Variants in RPTOR observed in about 807,000 individuals in gnomAD.
RPTOR encodes the protein regulatory-associated protein of mTOR.
A neutral mutation model predicts 169.9 loss-of-function variants in RPTOR; 21 were observed. The observed-to-expected ratio is 0.12, with a 90% CI of 0.09 to 0.18. The LOEUF (loss-of-function observed/expected upper bound fraction) is 0.18. Ranked by LOEUF, RPTOR falls within the 10% of genes least tolerant of loss-of-function variation. RPTOR has a pLI of 1.00. For synonymous variants in RPTOR, 732 were observed against 753.2 expected (o/e 0.97, Z 0.46); for missense variants, 1,133 against 1,855.9 (o/e 0.61, Z 7.16).
At chr17:80,925,969 C>T (rs968864064) in intron 24 of RPTOR, among the ~76,000 whole-genome samples, 1 of 152,212 alleles carries the variant, frequency 6.6e-6, no homozygotes, top group African/African-American at 2.4e-5. Context: ...GGCAGGGCGG[C>T]GGCTCTCGGC....
At chr17:80,924,556 G>A (rs1394509334) in intron 23 of RPTOR, among the ~76,000 whole-genome samples, 2 of 152,064 alleles carry the variant, frequency 1.3e-5, no homozygotes, top group African/African-American at 4.8e-5. Flanking sequence ...TCCGTGTCTC[G>A]GCAGAGGAGG....
At position 80,820,585 on chromosome 17, in the gene RPTOR, G is replaced by A. The variant is rs537243884; in HGVS notation, c.891-1616G>A. ...TTCCTCCGTGGGGCCAAGCTCTGTC[G>A]TAGGTTGTTAGAGGGTGGGCACCTT... On this transcript the variant is annotated intron_variant, in intron 7 of 33. Transcript: ENST00000306801. This position sits in a 1 kb window ranked among gnomAD's most constrained non-coding sequence, Gnocchi z 4.1. Among the ~76,000 whole-genome samples the A allele has an allele frequency of 1.1e-4, 16 of 152,150 alleles. No homozygotes were observed. Among genetic ancestry groups the A allele is most frequent in the South Asian group, 4.2e-4 (2 of 4,818 alleles).
chr17:80,564,887 G>A (rs955982310), intron 1 of RPTOR, among the ~76,000 whole-genome samples: 6 of 152,158 alleles, frequency 3.9e-5, no homozygotes, highest in Non-Finnish European at 7.4e-5. Flanking sequence ...TAAGGATAAT[G>A]GCCTCCATGT....
At chr17:80,901,097 G>C (rs2068470832) in intron 20 of RPTOR, among the ~76,000 whole-genome samples, 1 of 152,190 alleles carries the variant, frequency 6.6e-6, no homozygotes, top group Non-Finnish European at 1.5e-5. Context: ...ACAGGCAAGA[G>C]GGACTGCGGA....
In RPTOR at chr17:80,618,586, G is replaced by A. The variant is rs546085978; in HGVS notation, c.163-7105G>A. Among the ~76,000 whole-genome samples, 11 of 152,222 alleles carry A rather than the reference G, an allele frequency of 7.2e-5. No individual in the cohort carries two copies. The South Asian group carries it at 2.3e-3, about 32-fold the overall frequency. ...CTGAGGCCGAAATTTTCCTCTTCTC[G>A]TTTCCTTTTGATCAGGATGTTCTAC... On this transcript the variant is annotated intron_variant, in intron 1 of 33. Transcript: ENST00000306801.
At chr17:80,693,656 C>T (rs2066011649) in intron 3 of RPTOR, among the ~76,000 whole-genome samples, 1 of 152,208 alleles carries the variant, frequency 6.6e-6, no homozygotes, top group African/African-American at 2.4e-5. Context: ...CAATTTCCTA[C>T]TCTCAGCATC....
intron 13 of RPTOR, among the ~76,000 whole-genome samples, chr17:80,865,555 T>TA (rs1480584989): frequency 1.3e-5 from 2 of 152,078 alleles, no homozygotes; most frequent in Non-Finnish European, 2.9e-5. Context: ...ACAATAAAGA[T>TA]AGACATTTCA....
chr17:80,776,168 T>C (rs1028167293), intron 6 of RPTOR, among the ~76,000 whole-genome samples: 6 of 152,150 alleles, frequency 3.9e-5, no homozygotes, highest in Admixed American at 3.9e-4. Context: ...CACTGTACTC[T>C]AGCCTGGGCA....
At chr17:80,867,151 C>T (rs1019492736) in intron 13 of RPTOR, among the ~76,000 whole-genome samples, 4 of 151,908 alleles carry the variant, frequency 2.6e-5, no homozygotes, top group African/African-American at 9.7e-5. Context: ...TATTTAAAAA[C>T]AAAACATGAT....
intron 5 of RPTOR, among the ~76,000 whole-genome samples, chr17:80,736,847 C>T (rs562822084): frequency 2.0e-5 from 3 of 152,350 alleles, no homozygotes; most frequent in South Asian, 2.1e-4. Flanking sequence ...ATCTTCTCCA[C>T]GGACTCACCG....
At chr17:80,663,420 G>A (rs552334914) in intron 3 of RPTOR, among the ~76,000 whole-genome samples, 165 of 152,194 alleles carry the variant, frequency 1.1e-3, no homozygotes, top group African/African-American at 3.9e-3. Flanking sequence ...GCAAAGCCAG[G>A]CAATCTGCAG....
intron 24 of RPTOR, 127 bp downstream of exon 24, chr17:80,925,607 C>G: frequency 1.4e-6 from 1 of 739,308 alleles, no homozygotes; most frequent in Non-Finnish European, 2.3e-6. Context: ...TAGTGATGGT[C>G]ACGGTTGAGG....
chr17:80,590,635 C>T lies in RPTOR; in HGVS notation c.163-35056C>T, dbSNP rs143479393. On this transcript the variant is annotated intron_variant, in intron 1 of 33. Transcript: ENST00000306801. ...TGAAGGAGGCATGCAGGTATGCGCA[C>T]ATGCGTGCACACAGTGTCTTTAATG... 3.4e-4 allele frequency among the ~76,000 whole-genome samples: 52 copies of T among 152,286 alleles called. No homozygotes were observed. The East Asian group carries it at 9.3e-3, about 27-fold the overall frequency.
Position 80,861,817 on chromosome 17 carries a change from T to C in RPTOR, c.1509+3917T>C, listed in dbSNP as rs2067919871. ...TTAGTACCTTTTAGGACCTGGAAAT[T>C]GATGATGTCTTTATTTTTAGTCTCA... is the stretch of plus-strand genomic sequence containing the variant. On this transcript the variant is annotated intron_variant, in intron 13 of 33. Coordinates refer to ENST00000306801, the MANE Select transcript of RPTOR (RefSeq NM_020761.3). This position sits in a 1 kb window ranked among gnomAD's most constrained non-coding sequence, Gnocchi z 4.5. Among the ~76,000 whole-genome samples, 1 of 152,162 alleles carries C rather than the reference T, an allele frequency of 6.6e-6. No homozygotes were observed. Among genetic ancestry groups the C allele is most frequent in the Non-Finnish European group, 1.5e-5 (1 of 68,036 alleles).
At chr17:80,625,061 G>T (rs1053807583) in intron 1 of RPTOR, among the ~76,000 whole-genome samples, 1 of 152,164 alleles carries the variant, frequency 6.6e-6, no homozygotes, top group African/African-American at 2.4e-5. Flanking sequence ...TGACCCGGGG[G>T]AGGGGAACTC....
At chr17:80,585,362 G>A (rs1313364949) in intron 1 of RPTOR, among the ~76,000 whole-genome samples, 1 of 151,858 alleles carries the variant, frequency 6.6e-6, no homozygotes, top group Non-Finnish European at 1.5e-5. Flanking sequence ...GCGCCACCTC[G>A]CCCAGCTAAT....
At chr17:80,905,429 CAA>C (rs535677825) in intron 20 of RPTOR, among the ~76,000 whole-genome samples, 9 of 117,680 alleles carry the variant, frequency 7.6e-5, no homozygotes, top group African/African-American at 1.7e-4. Flanking sequence ...ACTAAAAATA[CAA>C]AAAAAAAAAA....
At chr17:80,883,347 T>C (rs1190962472) in intron 14 of RPTOR, 72 bp from the exon 15 acceptor site, 3 of 1,327,532 alleles carry the variant, frequency 2.3e-6, no homozygotes, top group Non-Finnish European at 3.3e-6. Context: ...TCCGAAAGGA[T>C]CACGCTGTTG....
intron 2 of RPTOR, among the ~76,000 whole-genome samples, chr17:80,634,205 GTGTGCA>G (rs2065466494): frequency 6.7e-6 from 1 of 150,084 alleles, no homozygotes; most frequent in Non-Finnish European, 1.5e-5. Context: ...TGCATACTGT[GTGTGCA>G]TACTGTGTGC....
Sources: gnomAD v4.1 joint callset for allele counts (sites outside exome capture counted in the v4.1 genomes callset) on GRCh38, gnomAD v4.1.1 for gene constraint, Gnocchi (gnomAD v3.1) non-coding constraint, MANE v1.5 for transcripts, NCBI Gene and HGNC (gene_info 2026-07-23, HGNC 2026-07-21) for gene names.